MYO1A: variants seen among roughly 807,000 people sequenced by gnomAD.
MYO1A encodes unconventional myosin-Ia.
MYO1A carries 127 observed loss-of-function variants against 138.5 expected under a neutral mutation model. The observed-to-expected ratio is 0.92, with a 90% CI of 0.79 to 1.06. MYO1A has a LOEUF of 1.06. MYO1A is among the 50% of genes least tolerant of loss of function. MYO1A has a pLI of 0.00. For missense variants in MYO1A, 1,211 were observed against 1,288.8 expected (o/e 0.94, Z 0.92); for synonymous variants, 477 against 497.5 (o/e 0.96, Z 0.55).
intron 22 of MYO1A, among the ~76,000 whole-genome samples, chr12:57,034,465 G>A (rs563694372): frequency 6.6e-6 from 1 of 152,102 alleles, no homozygotes; most frequent in South Asian, 2.1e-4. Flanking sequence ...TTGAGCTCAG[G>A]AGTTTGAGAC....
At chr12:57,030,045 G>GAA in intron 24 of MYO1A, 165 bp downstream of exon 24, 1 of 1,318,628 alleles carries the variant, frequency 7.6e-7, no homozygotes, top group Non-Finnish European at 1.1e-6. Context: ...GGAGTTGTTA[G>GAA]AAAGGCAAAT....
Position 57,046,591 on chromosome 12 carries a change from A to C in MYO1A, c.601T>G (p.Phe201Val). ...TCTGCTCCAGCCAGCAGCTGATAGA[A>C]GATGTGGAAGTTCCTTTCTCCTTTG... ...QLKGERNFHI[F>V]YQLLAGADEQ... is the part of the protein sequence containing the mutation. Residue 201 changes from phenylalanine to valine, a missense_variant, in exon 8 of 28, where the codon TTC (phenylalanine) becomes GTC (valine). Coordinates refer to ENST00000300119, the MANE Select transcript of MYO1A (RefSeq NM_005379.4). The C allele has an allele frequency of 6.2e-7, 1 of 1,614,110 alleles. No individual in the cohort carries two copies.
Position 57,048,122 on chromosome 12 carries a change from G to A in MYO1A, c.115-18C>T. ...ATGTAGGTCTGGAGCCAGGAAGAAG[G>A]TGAAGGGAATGAGCTTGAGGGTGAG... On this transcript the variant is annotated intron_variant, in intron 2 of 27. Transcript: ENST00000300119. The A allele has an allele frequency of 6.2e-7, 1 of 1,610,460 alleles. No individual in the cohort carries two copies. The highest frequency in any genetic ancestry group is 8.5e-7 in the Non-Finnish European group (1 of 1,176,634).
chr12:57,049,577 T>C (rs754014920), intron 1 of MYO1A, among the ~76,000 whole-genome samples: 103 of 152,244 alleles, frequency 6.8e-4, no homozygotes, highest in Non-Finnish European at 1.2e-3. Context: ...ATGCAGCGTT[T>C]ACCACGAACT....
chr12:57,030,341 T>A (rs2030218150), intron 23 of MYO1A, 25 bp from the exon 24 acceptor site: 1 of 1,523,756 alleles, frequency 6.6e-7, no homozygotes, highest in Non-Finnish European at 9.1e-7. Flanking sequence ...GGACAGGAGC[T>A]AAAATCATAG....
rs375378209 is a variant in MYO1A, at chr12:57,038,646, G to T, written c.1534-8C>A. 7 of 1,614,094 alleles carry T rather than the reference G, an allele frequency of 4.3e-6. No individual in the cohort carries two copies. Among genetic ancestry groups the T allele is most frequent in the Non-Finnish European group, 5.9e-6 (7 of 1,179,918 alleles). ...GGTCACGTTGTATGTCACCTGTAAA[G>T]GAGCAGCTATTGGTTTGGAGACCCC... On this transcript the variant is annotated splice_polypyrimidine_tract_variant and splice_region_variant and intron_variant, in intron 16 of 27. Transcript: ENST00000300119.
chr12:57,031,267 A>T, intron 22 of MYO1A, 93 bp from the exon 23 acceptor site: 2 of 1,493,304 alleles, frequency 1.3e-6, no homozygotes, highest in Middle Eastern at 1.8e-4. Flanking sequence ...TCAAAGGAGG[A>T]AGTTAACCCA....
chr12:57,035,581 CA>C (rs1162988509), intron 22 of MYO1A, among the ~76,000 whole-genome samples: 3 of 152,236 alleles, frequency 2.0e-5, no homozygotes, highest in African/African-American at 7.2e-5. Flanking sequence ...TCCAAGATCC[CA>C]TGCTCTTCCT....
chr12:57,034,412 C>A (rs1052044505), intron 22 of MYO1A, among the ~76,000 whole-genome samples: 31 of 152,348 alleles, frequency 2.0e-4, no homozygotes, highest in African/African-American at 6.5e-4. Context: ...GTGGCTCACA[C>A]CTGTAATCCT....
chr12:57,035,325 A>G (rs1330400378), intron 22 of MYO1A, among the ~76,000 whole-genome samples: 1 of 152,200 alleles, frequency 6.6e-6, no homozygotes, highest in East Asian at 1.9e-4. Flanking sequence ...AACTGAAGAG[A>G]CCTGGAAGAT....
Position 57,036,801 on chromosome 12 carries a change from A to C in MYO1A, c.2245T>G (p.Leu749Val). The change falls in exon 21 of 28, where the codon TTG (leucine) becomes GTG (valine). Residue 749 changes from leucine to valine, a missense_variant. By Grantham distance (32) the Leu-to-Val change is conservative. Transcript: ENST00000300119. ...CYGKIKASVL[L>V]IQAFVRGWKA... ...CACCCTCTCACAAAAGCCTGGATCA[A>C]TAACACGGATGCCTTTATCTTCCCA... The C allele has an allele frequency of 6.8e-6, 11 of 1,614,252 alleles. No individual in the cohort carries two copies. Among genetic ancestry groups the C allele is most frequent in the Non-Finnish European group, 7.6e-6 (9 of 1,180,052 alleles).
At position 57,038,658 on chromosome 12, in the gene MYO1A, G is replaced by A; in HGVS notation, c.1534-20C>T. On this transcript the variant is annotated intron_variant, in intron 16 of 27. Transcript: ENST00000300119. The stretch of plus-strand genomic sequence containing the variant: ...TGTCACCTGTAAAGGAGCAGCTATT[G>A]GTTTGGAGACCCCACAACCTTGTCC... 1 of 1,613,306 alleles carries A rather than the reference G, an allele frequency of 6.2e-7. No homozygotes were observed. Among genetic ancestry groups the A allele is most frequent in the Non-Finnish European group, 8.5e-7 (1 of 1,179,238 alleles).
In MYO1A at chr12:57,047,365, CCA is replaced by C. The variant is rs777484866; in HGVS notation, c.366_367del (p.Cys122TrpfsTer17). The C allele has an allele frequency of 1.6e-5, 26 of 1,614,034 alleles. No homozygotes were observed. The African/African-American group carries it at 3.2e-4, about 20-fold the overall frequency. ...CACAGAGTTCACCTGCTCTCCTTTC[CCA>C]CAGACGGCAGCCACATAAGACATCA... On this transcript the variant is annotated frameshift_variant, in exon 5 of 28. Coordinates refer to ENST00000300119, the MANE Select transcript of MYO1A (RefSeq NM_005379.4). LOFTEE classifies it high-confidence loss of function.
chr12:57,042,265 C>T (rs2030891861), intron 12 of MYO1A, among the ~76,000 whole-genome samples: 1 of 152,226 alleles, frequency 6.6e-6, no homozygotes, highest in Non-Finnish European at 1.5e-5. Flanking sequence ...TACCTTCTTT[C>T]ACTCAGCATA....
At position 57,028,795 on chromosome 12, in the gene MYO1A, T is replaced by G. The variant is rs1409609196; in HGVS notation, c.3092A>C (p.Lys1031Thr). The G allele has an allele frequency of 6.2e-7, 1 of 1,614,072 alleles. No individual in the cohort carries two copies. The highest frequency in any genetic ancestry group is 2.2e-5 in the East Asian group (1 of 44,876). ...AGGDNSKLRY[K>T]KKGSHCLEVT... ...CTCCAAGCAATGACTCCCCTTTTTT[T>G]TGTAGCGTAGCTTGCTGTTGTCACC... is the stretch of plus-strand genomic sequence containing the variant. Residue 1031 changes from lysine to threonine, a missense_variant, in exon 28 of 28, where the codon AAA (lysine) becomes ACA (threonine). Coordinates refer to ENST00000300119, the MANE Select transcript of MYO1A (RefSeq NM_005379.4).
chr12:57,050,968 C>T (rs1445766288), upstream of MYO1A: 4 of 152,288 alleles, frequency 2.6e-5, no homozygotes, highest in East Asian at 1.9e-4. Flanking sequence ...AATTTTAATT[C>T]GTCAGCACTA....
intron 19 of MYO1A, 118 bp from the exon 20 acceptor site, chr12:57,037,209 C>G: frequency 7.8e-7 from 1 of 1,283,034 alleles, no homozygotes; most frequent in South Asian, 1.3e-5. Context: ...ATTCCTTTGT[C>G]TTCTTAGTTT....
In MYO1A at chr12:57,029,434, C is replaced by T. The variant is rs2030149490; in HGVS notation, c.2877+1G>A. 4 of 1,614,030 alleles carry T rather than the reference C, an allele frequency of 2.5e-6. No homozygotes were observed. In the African/African-American group the frequency reaches 4.0e-5, roughly 16 times the overall value. On this transcript the variant is annotated splice_donor_variant, in intron 26 of 27. Transcript: ENST00000300119. LOFTEE classifies it high-confidence loss of function. ...AGGCTTGCCCCACCCAGCTCTGATA[C>T]CTCACTCAGATGCAAGCTAAAGAGC...
rs766872277 is a variant in MYO1A at position 57,037,027 on chromosome 12, ATCT to A, written c.2117_2119del (p.Lys706del). 6.2e-7 allele frequency: 1 copy of A among 1,614,058 alleles called. No individual in the cohort carries two copies. The highest frequency in any genetic ancestry group is 1.1e-5 in the South Asian group (1 of 91,080). On this transcript the variant is annotated inframe_deletion, in exon 20 of 28. Coordinates refer to ENST00000300119, the MANE Select transcript of MYO1A (RefSeq NM_005379.4). ...GGTGCGGCAGCGCCAGCCTCGGTAA[ATCT>A]TCTGTATGAGTGTGGCCAGCTGCTG...
Sources: gnomAD v4.1 joint callset for allele counts (sites outside exome capture counted in the v4.1 genomes callset) on GRCh38, gnomAD v4.1.1 for gene constraint, MANE v1.5 for transcripts, NCBI Gene and HGNC (gene_info 2026-07-23, HGNC 2026-07-21) for gene names.